Variants in GRTP1 observed in about 807,000 individuals in gnomAD.
The protein encoded by GRTP1 is growth hormone regulated TBC protein 1.
Under a neutral mutation model 38.1 loss-of-function variants are expected in GRTP1, and 56 were observed. That is an observed-to-expected ratio of 1.47 (90% CI 1.19 to 1.84). The LOEUF (loss-of-function observed/expected upper bound fraction) is 1.84. Ranked by LOEUF, GRTP1 falls within the 40% of genes most tolerant of loss-of-function variation. The probability of loss-of-function intolerance (pLI) is 0.00; values close to 1 mark genes in which losing one functional copy is unlikely to be tolerated. For missense variants in GRTP1, 506 were observed against 453.9 expected, an observed-to-expected ratio of 1.11 and a Z score of -1.04; for synonymous variants, 217 against 189.5, an observed-to-expected ratio of 1.14 and a Z score of -1.19.
At chr13:113,355,269 C>T in intron 3 of GRTP1, 54 bp downstream of exon 3, 4 of 1,585,438 alleles carry the variant, frequency 2.5e-6, no homozygotes, top group Non-Finnish European at 2.6e-6. Context: ...GGGTGGAAAC[C>T]GGTTCCTTCC....
At chr13:113,336,637 C>CTT (rs2042959259) in intron 5 of GRTP1, among the ~76,000 whole-genome samples, 1 of 152,170 alleles carries the variant, frequency 6.6e-6, no homozygotes, top group Non-Finnish European at 1.5e-5. Context: ...ACACCAGCCC[C>CTT]TTGCCCTGGG....
At chr13:113,328,319 C>T (rs570788326) in intron 5 of GRTP1, among the ~76,000 whole-genome samples, 28 of 152,302 alleles carry the variant, frequency 1.8e-4, no homozygotes, top group East Asian at 7.7e-4. Flanking sequence ...TCAGGGTCTG[C>T]GGTCAGACGT....
At chr13:113,346,090 AGACATCTGTG>A (rs1566429096) in intron 4 of GRTP1, among the ~76,000 whole-genome samples, 4 of 10,920 alleles carry the variant, frequency 3.7e-4, no homozygotes, top group South Asian at 6.0e-3. Context: ...AGACCTGGGA[AGACATCTGTG>A]GCCGAGAACA....
chr13:113,346,243 C>CTCTGTGGCTGAGAGCAGACCCAGGAGGAT (rs2043126220), intron 4 of GRTP1, among the ~76,000 whole-genome samples: 1 of 50,730 alleles, frequency 2.0e-5, no homozygotes. Context: ...CCCGGGAGGA[C>CTCTGTGGCTGAGAGCAGACCCAGGAGGAT]CTCTGTGGCC....
intron 5 of GRTP1, among the ~76,000 whole-genome samples, chr13:113,334,266 C>CCCGCA (rs2042923031): frequency 1.3e-5 from 2 of 152,176 alleles, no homozygotes; most frequent in Non-Finnish European, 2.9e-5. Flanking sequence ...TCGTCCCCAC[C>CCCGCA]CTGCACTGCC....
chr13:113,333,101 A>C (rs1460746420), intron 5 of GRTP1, among the ~76,000 whole-genome samples: 1 of 152,220 alleles, frequency 6.6e-6, no homozygotes, highest in Non-Finnish European at 1.5e-5. Context: ...GTCTGCAGGA[A>C]ATTTCGAGGA....
At chr13:113,333,233 C>A (rs1252649019) in intron 5 of GRTP1, among the ~76,000 whole-genome samples, 1 of 152,202 alleles carries the variant, frequency 6.6e-6, no homozygotes, top group African/African-American at 2.4e-5. Flanking sequence ...TTCCCACGCA[C>A]AGACCGAAGG....
At chr13:113,351,009 C>A in intron 3 of GRTP1, 36 bp from the exon 4 acceptor site, 1 of 1,611,228 alleles carries the variant, frequency 6.2e-7, no homozygotes, top group Non-Finnish European at 8.5e-7. Flanking sequence ...CCACGGGTTT[C>A]TGTTCCACAA....
intron 2 of GRTP1, among the ~76,000 whole-genome samples, chr13:113,357,765 C>T (rs1219052294): frequency 6.6e-6 from 1 of 152,114 alleles, no homozygotes; most frequent in African/African-American, 2.4e-5. Context: ...CAGCAGGAGA[C>T]GGTGAGTCCC....
intron 2 of GRTP1, among the ~76,000 whole-genome samples, chr13:113,362,599 G>A (rs1053098471): frequency 2.6e-5 from 4 of 152,282 alleles, no homozygotes; most frequent in Admixed American, 2.6e-4. Flanking sequence ...TTGTGCCACT[G>A]CACTCAGAGG....
At chr13:113,332,462 A>G (rs545964694) in intron 5 of GRTP1, among the ~76,000 whole-genome samples, 1 of 151,024 alleles carries the variant, frequency 6.6e-6, no homozygotes, top group Non-Finnish European at 1.5e-5. Flanking sequence ...ACCTGCCTCC[A>G]TCCCCTGGAC....
Position 113,363,840 on chromosome 13 carries a change from A to G in GRTP1, c.103T>C (p.Tyr35His), listed in dbSNP as rs1302923408. The change falls in exon 2 of 8, where the codon TAC becomes CAC. Residue 35 changes from tyrosine to histidine, a missense_variant. Coordinates refer to ENST00000375431, the MANE Select transcript of GRTP1 (RefSeq NM_024719.4). ...DAAYEKFFSSYLVTLTRRAIK... is the reference protein window; with the variant it reads ...DAAYEKFFSSHLVTLTRRAIK... ...GCCCTGCGGGTGAGCGTGACCAGGT[A>G]GCTGGAGAAAAACTTCTCGTAGGCG... 6.2e-7 allele frequency: 1 copy of G among 1,611,802 alleles called. No individual in the cohort carries two copies. Among genetic ancestry groups the G allele is most frequent in the Non-Finnish European group, 8.5e-7 (1 of 1,179,570 alleles).
intron 2 of GRTP1, 44 bp from the exon 3 acceptor site, chr13:113,355,525 C>T: frequency 6.5e-7 from 1 of 1,545,252 alleles, no homozygotes; most frequent in South Asian, 1.2e-5. Flanking sequence ...GGACCAGGGG[C>T]CTGCGGGGCC....
intron 5 of GRTP1, among the ~76,000 whole-genome samples, chr13:113,340,337 G>A (rs553563235): frequency 6.6e-5 from 10 of 151,362 alleles, no homozygotes; most frequent in South Asian, 2.1e-4. Context: ...AAATCAACTA[G>A]GCATGGTGGT....
intron 7 of GRTP1, 59 bp downstream of exon 7, chr13:113,325,602 G>C: frequency 6.2e-7 from 1 of 1,612,946 alleles, no homozygotes; most frequent in South Asian, 1.1e-5. Context: ...GCAGCCCCCG[G>C]GCTGCAGGTG....
In GRTP1 at chr13:113,352,244, T is replaced by TTATATATATG. The variant is rs1192977156; in HGVS notation, c.341-1272_341-1271insCATATATATA. Among the ~76,000 whole-genome samples, 605 of 90,350 alleles carry TTATATATATG rather than the reference T, an allele frequency of 6.7e-3. 4 individuals are homozygous for TTATATATATG. The highest frequency in any genetic ancestry group is 9.3e-3 in the Non-Finnish European group (445 of 47,814). The allele number at this position is 90,350 out of a possible 152,430, so 59.3% of individuals were successfully genotyped here. A position where few individuals can be genotyped will look rare whatever the true frequency, so the allele number is the denominator to read the frequency against. On this transcript the variant is annotated intron_variant, in intron 3 of 7. Transcript: ENST00000375431. ...GAGTTTTCTATATTTATATATATAT[T>TTATATATATG]TATATATATTTATATATTTTTATAT...
Position 113,348,605 on chromosome 13 carries a change from G to C in GRTP1, c.465+2244C>G, listed in dbSNP as rs201845635. ...TACGGATGGGGTCATGGAGGAGTTG[G>C]TGGGCCCTATCCAAGCCTGGTGTCC... is the stretch of plus-strand genomic sequence containing the variant. On this transcript the variant is annotated intron_variant, in intron 4 of 7. Coordinates refer to ENST00000375431, the MANE Select transcript of GRTP1 (RefSeq NM_024719.4). This position sits in a 1 kb window ranked among gnomAD's most constrained non-coding sequence, Gnocchi z 4.8. 2.0e-5 allele frequency among the ~76,000 whole-genome samples: 3 copies of C among 152,138 alleles called. No individual in the cohort carries two copies. The East Asian group carries it at 5.8e-4, about 29-fold the overall frequency.
intron 5 of GRTP1, among the ~76,000 whole-genome samples, chr13:113,333,826 A>AG (rs2042910858): frequency 2.0e-5 from 2 of 100,970 alleles, no homozygotes; most frequent in African/African-American, 4.1e-5. Context: ...TTATTTATTT[A>AG]TTTATTTATT....
chr13:113,329,179 C>T (rs190417387), intron 5 of GRTP1, among the ~76,000 whole-genome samples: 1 of 152,200 alleles, frequency 6.6e-6, no homozygotes, highest in Admixed American at 6.5e-5. Context: ...CTAAGGTGTA[C>T]AGGGGAAGAC....
Sources: gnomAD v4.1 joint callset for allele counts (sites outside exome capture counted in the v4.1 genomes callset) on GRCh38, gnomAD v4.1.1 for gene constraint, Gnocchi (gnomAD v3.1) non-coding constraint, MANE v1.5 for transcripts, NCBI Gene and HGNC (gene_info 2026-07-23, HGNC 2026-07-21) for gene names.